The following RASGEF1C variants were observed in gnomAD, a reference collection of about 807,000 sequenced individuals.
The protein encoded by RASGEF1C is ras-GEF domain-containing family member 1C.
A neutral mutation model predicts 58.1 loss-of-function variants in RASGEF1C; 27 were observed. That is an observed-to-expected ratio of 0.46 (90% CI 0.34 to 0.64). The LOEUF (loss-of-function observed/expected upper bound fraction) is 0.64, where lower values mean the gene tolerates loss of function less well. RASGEF1C is among the 30% of genes least tolerant of loss of function. The pLI is 0.01. For synonymous variants in RASGEF1C, 243 were observed against 246.3 expected, an observed-to-expected ratio of 0.99 and a Z score of 0.13; for missense variants, 502 against 605.1, an observed-to-expected ratio of 0.83 and a Z score of 1.79.
intron 12 of RASGEF1C, among the ~76,000 whole-genome samples, chr5:180,105,625 T>C (rs1290461096): frequency 6.6e-6 from 1 of 150,668 alleles, no homozygotes; most frequent in East Asian, 2.0e-4. Flanking sequence ...CCTAGCACTT[T>C]GGGAGGCTGA....
At chr5:180,148,628 C>G (rs2113288848) in intron 1 of RASGEF1C, among the ~76,000 whole-genome samples, 1 of 152,182 alleles carries the variant, frequency 6.6e-6, no homozygotes, top group South Asian at 2.1e-4. Context: ...CAGTTCTGTC[C>G]CCACCCTGTT....
At chr5:180,108,195 T>C (rs78670887) in intron 12 of RASGEF1C, among the ~76,000 whole-genome samples, 3,373 of 131,620 alleles carry the variant, frequency 0.026, 130 homozygotes, top group African/African-American at 0.12. Context: ...CAGTCTATTT[T>C]CTTTCTTTCT....
At chr5:180,188,159 C>A (rs1182001419) in intron 1 of RASGEF1C, among the ~76,000 whole-genome samples, 1 of 152,144 alleles carries the variant, frequency 6.6e-6, no homozygotes, top group Non-Finnish European at 1.5e-5. Context: ...AAAAAGGAAT[C>A]AAGTACAGAT....
chr5:180,170,798 C>T (rs572348810), intron 1 of RASGEF1C, among the ~76,000 whole-genome samples: 11 of 152,324 alleles, frequency 7.2e-5, no homozygotes, highest in South Asian at 2.1e-4. Context: ...TTCACAGGTG[C>T]ATTGTGGCAT....
intron 1 of RASGEF1C, among the ~76,000 whole-genome samples, chr5:180,190,762 C>G (rs551689062): frequency 6.6e-6 from 1 of 152,114 alleles, no homozygotes. Flanking sequence ...AGGAGAAAAT[C>G]TATAAATTGG....
chr5:180,130,523 C>T (rs556995906), intron 4 of RASGEF1C, among the ~76,000 whole-genome samples: 4 of 152,320 alleles, frequency 2.6e-5, no homozygotes, highest in East Asian at 1.9e-4. Context: ...CCTGCTGTTT[C>T]GTCTCCTCAC....
At chr5:180,182,756 T>C (rs1297481709) in intron 1 of RASGEF1C, among the ~76,000 whole-genome samples, 6 of 152,158 alleles carry the variant, frequency 3.9e-5, no homozygotes, top group Non-Finnish European at 5.9e-5. Flanking sequence ...TTTACAATCC[T>C]TTAGCTAGAC....
At chr5:180,132,755 G>A (rs2113271991) in intron 4 of RASGEF1C, among the ~76,000 whole-genome samples, 1 of 152,276 alleles carries the variant, frequency 6.6e-6, no homozygotes, top group Admixed American at 6.5e-5. Context: ...CAGATCACGA[G>A]GTCAGGAGTT....
intron 1 of RASGEF1C, among the ~76,000 whole-genome samples, chr5:180,179,745 A>G (rs1175278768): frequency 6.6e-6 from 1 of 152,236 alleles, no homozygotes; most frequent in African/African-American, 2.4e-5. Context: ...GAAGGAGAGA[A>G]GCCAAACAAT....
rs60921379 is a variant in RASGEF1C, at chr5:180,175,355, G to A, written c.-7+33673C>T. ...TGGAAAATGCAGATGCCCAGGCCTC[G>A]CCCCAGCTCCTGAGCAGCCCTGCTG... On this transcript the variant is annotated intron_variant, in intron 1 of 13. Coordinates refer to ENST00000361132, the MANE Select transcript of RASGEF1C (RefSeq NM_175062.4). Among the ~76,000 whole-genome samples the A allele has an allele frequency of 2.3e-3, 343 of 152,284 alleles. 1 individual carries two copies. Among genetic ancestry groups the A allele is most frequent in the African/African-American group, 7.7e-3 (318 of 41,546 alleles).
At chr5:180,190,282 T>G (rs1180658585) in intron 1 of RASGEF1C, among the ~76,000 whole-genome samples, 2 of 151,190 alleles carry the variant, frequency 1.3e-5, no homozygotes, top group Non-Finnish European at 2.9e-5. Context: ...GGTTAGGAGA[T>G]CGAGACCATC....
chr5:180,115,552 T>C (rs1401876485), intron 10 of RASGEF1C, among the ~76,000 whole-genome samples: 1 of 152,084 alleles, frequency 6.6e-6, no homozygotes, highest in African/African-American at 2.4e-5. Context: ...TGGCAAATCT[T>C]TGCTAATCCC....
At chr5:180,149,691 C>T (rs1475754825) in intron 1 of RASGEF1C, among the ~76,000 whole-genome samples, 5 of 151,952 alleles carry the variant, frequency 3.3e-5, no homozygotes, top group South Asian at 2.1e-4. Context: ...CTTGACCTCT[C>T]GATCCACCCG....
At position 180,209,120 on chromosome 5, in the gene RASGEF1C, C is replaced by G. The variant is rs1264796449; in HGVS notation, c.-99G>C. On this transcript the variant is annotated 5_prime_UTR_variant, in exon 1 of 14. Coordinates refer to ENST00000361132, the MANE Select transcript of RASGEF1C (RefSeq NM_175062.4). ...CGGACCGGGGCGCCGCCCGCCGCCG[C>G]CGCCGCCGCCGCCGCCGCCGCCGCC... The G allele has an allele frequency of 2.5e-4, 1 of 4,076 alleles. No individual in the cohort carries two copies. Among genetic ancestry groups the G allele is most frequent in the Non-Finnish European group, 6.5e-4 (1 of 1,550 alleles). The allele number at this position is 4,076 out of a possible 1,614,324, so 0.3% of individuals were successfully genotyped here. A position where few individuals can be genotyped will look rare whatever the true frequency, so the allele number is the denominator to read the frequency against.
chr5:180,118,548 T>C, intron 10 of RASGEF1C, 61 bp downstream of exon 10: 1 of 1,448,256 alleles, frequency 6.9e-7, no homozygotes, highest in South Asian at 1.3e-5. Flanking sequence ...GCAAGTGAAC[T>C]CTGAGCCAGC....
chr5:180,136,059 G>T (rs1401413663), intron 4 of RASGEF1C, among the ~76,000 whole-genome samples: 1 of 152,236 alleles, frequency 6.6e-6, no homozygotes, highest in Non-Finnish European at 1.5e-5. Context: ...CCAAGGCCCA[G>T]GACAGGGCTC....
intron 1 of RASGEF1C, among the ~76,000 whole-genome samples, chr5:180,173,101 C>T (rs907125521): frequency 3.3e-5 from 5 of 152,202 alleles, no homozygotes; most frequent in Admixed American, 6.5e-5. Flanking sequence ...GTTGACAAGC[C>T]GCCTGGGTGT....
intron 11 of RASGEF1C, among the ~76,000 whole-genome samples, chr5:180,113,335 GGAGGGACCGGGGATGGACT>G (rs1481452935): frequency 0.013 from 584 of 46,528 alleles, 126 homozygotes; most frequent in Middle Eastern, 0.029. Context: ...GGGGATGGAC[GGAGGGACCGGGGATGGACT>G]GAGGGATCCG....
chr5:180,137,963 C>T lies in RASGEF1C; in HGVS notation c.90G>A (p.Gly30=), dbSNP rs1766514793. 4 of 1,606,914 alleles carry T rather than the reference C, an allele frequency of 2.5e-6. No homozygotes were observed. In the South Asian group the frequency reaches 4.4e-5, roughly 18 times the overall value. Residue 30 remains glycine, a synonymous_variant, in exon 2 of 14, where the codon GGG becomes GGA. Coordinates refer to ENST00000361132, the MANE Select transcript of RASGEF1C (RefSeq NM_175062.4). The surrounding 1 kb of genome is among the most constrained non-coding windows in gnomAD (Gnocchi z 4.1). ...ATGGCGCTCCATCCAGGAGGGGCTG[C>T]CCAGCCTGTTCGCCATCTGTGGGCT... The part of the protein sequence containing the change: ...PTEPTDGEQA[G]QPLLDGAPSS...
Sources: allele counts gnomAD v4.1 joint callset (sites outside exome capture counted in the v4.1 genomes callset), GRCh38; gene constraint gnomAD v4.1.1; non-coding constraint Gnocchi (gnomAD v3.1); transcripts MANE v1.5; gene names NCBI Gene and HGNC (gene_info 2026-07-23, HGNC 2026-07-21).